EYS: variants seen among roughly 807,000 people sequenced by gnomAD.
EYS encodes protein eyes shut homolog.
In EYS, 250 loss-of-function variants were observed where a neutral mutation model predicts 282.1. That is an observed-to-expected ratio of 0.89 (90% CI 0.80 to 0.98). The LOEUF is 0.98. EYS is among the 50% of genes least tolerant of loss of function. The pLI is 0.00. For missense variants in EYS, 4,016 were observed against 3,709.0 expected (o/e 1.08, Z -2.15); for synonymous variants, 1,355 against 1,282.9 (o/e 1.06, Z -1.20).
chr6:65,048,676 C>A (rs1039302577), intron 13 of EYS, among the ~76,000 whole-genome samples: 1 of 151,848 alleles, frequency 6.6e-6, no homozygotes, highest in Non-Finnish European at 1.5e-5. Context: ...TACAATCTGA[C>A]AGATTCAGTA....
intron 13 of EYS, among the ~76,000 whole-genome samples, chr6:65,028,356 T>C (rs1206628649): frequency 1.3e-5 from 2 of 151,848 alleles, no homozygotes; most frequent in Non-Finnish European, 2.9e-5. Flanking sequence ...TAATTCTTTT[T>C]GTGAAACATT....
At chr6:65,227,030 TGA>T (rs756918763) in intron 12 of EYS, among the ~76,000 whole-genome samples, 69 of 150,938 alleles carry the variant, frequency 4.6e-4, no homozygotes, top group Non-Finnish European at 8.1e-4. Flanking sequence ...AGATCGGGAG[TGA>T]GAGACCAGCC....
intron 26 of EYS, among the ~76,000 whole-genome samples, chr6:64,565,794 A>G (rs188851624): frequency 5.3e-4 from 81 of 152,276 alleles, no homozygotes; most frequent in African/African-American, 1.9e-3. Context: ...AAAGGTAACT[A>G]TATACAGTGA....
Position 65,169,966 on chromosome 6 carries a change from C to T in EYS, c.2024-112239G>A, listed in dbSNP as rs150117774. 1.9e-3 allele frequency among the ~76,000 whole-genome samples: 286 copies of T among 151,520 alleles called. 1 individual carries two copies. The highest frequency in any genetic ancestry group is 6.6e-3 in the African/African-American group (274 of 41,426). ...TTGCCTTGAATTGTATGCAATAAAA[C>T]AGAAGAGAATAAGCACAGATTATTG... On this transcript the variant is annotated intron_variant, in intron 12 of 42. Transcript: ENST00000503581.
chr6:63,754,904 T>G (rs1000116722), intron 41 of EYS, among the ~76,000 whole-genome samples: 1 of 152,224 alleles, frequency 6.6e-6, no homozygotes, highest in Non-Finnish European at 1.5e-5. Context: ...AGATGGTATC[T>G]CATTGTGATT....
chr6:63,853,753 C>T (rs937263970), intron 36 of EYS, among the ~76,000 whole-genome samples: 22 of 152,212 alleles, frequency 1.4e-4, no homozygotes, highest in African/African-American at 4.8e-4. Context: ...TTTACAGTAA[C>T]CAAAACAGCA....
chr6:64,075,468 T>TA lies in EYS; in HGVS notation c.6571+6387dup, dbSNP rs550410622. Among the ~76,000 whole-genome samples the TA allele has an allele frequency of 2.0e-3, 303 of 151,998 alleles. 1 individual carries two copies. Among genetic ancestry groups the TA allele is most frequent in the African/African-American group, 7.0e-3 (291 of 41,498 alleles). ...TAGTCTGCTAATTGTGCCTAACCAG[T>TA]AAAAAACACTAGTAATACACAACTC... is the stretch of plus-strand genomic sequence containing the variant. On this transcript the variant is annotated intron_variant, in intron 32 of 42. Coordinates refer to ENST00000503581, the MANE Select transcript of EYS (RefSeq NM_001142800.2).
At chr6:65,680,663 T>A (rs1455152827) in intron 1 of EYS, among the ~76,000 whole-genome samples, 1 of 152,032 alleles carries the variant, frequency 6.6e-6, no homozygotes, top group East Asian at 1.9e-4. Context: ...TGTGATTGAC[T>A]CTGATTTATA....
chr6:63,865,993 A>C (rs1278346882), intron 35 of EYS, among the ~76,000 whole-genome samples: 1 of 152,160 alleles, frequency 6.6e-6, no homozygotes, highest in Non-Finnish European at 1.5e-5. Context: ...TATAACCTTC[A>C]TGGAAACCTG....
intron 2 of EYS, among the ~76,000 whole-genome samples, chr6:65,622,236 G>A (rs1182544199): frequency 6.7e-6 from 1 of 148,894 alleles, no homozygotes; most frequent in Non-Finnish European, 1.5e-5. Flanking sequence ...AACCTTTGGA[G>A]ATGAGAAATT....
intron 1 of EYS, among the ~76,000 whole-genome samples, chr6:65,678,650 T>G (rs1768711532): frequency 6.6e-6 from 1 of 151,290 alleles, no homozygotes; most frequent in African/African-American, 2.4e-5. Context: ...AAGTAAAAAA[T>G]CAACAGAGTA....
chr6:63,998,575 A>G (rs1767938443), intron 34 of EYS, among the ~76,000 whole-genome samples: 1 of 152,180 alleles, frequency 6.6e-6, no homozygotes, highest in South Asian at 2.1e-4. Context: ...AAACAGAAAG[A>G]ATTCAGCAAA....
chr6:65,689,160 G>A (rs1769143440), intron 1 of EYS, among the ~76,000 whole-genome samples: 1 of 150,070 alleles, frequency 6.7e-6, no homozygotes, highest in African/African-American at 2.4e-5. Flanking sequence ...TTAAGAAAAT[G>A]TGGTACATAT....
At chr6:65,446,478 T>C (rs2150398246) in intron 5 of EYS, among the ~76,000 whole-genome samples, 1 of 151,988 alleles carries the variant, frequency 6.6e-6, no homozygotes, top group East Asian at 1.9e-4. Flanking sequence ...TCTGTTTTCA[T>C]GACTTTGATT....
chr6:65,162,807 AC>A (rs769207282), intron 12 of EYS, among the ~76,000 whole-genome samples: 4 of 151,002 alleles, frequency 2.6e-5, no homozygotes, highest in South Asian at 4.1e-4. Flanking sequence ...ACAAGCCAGG[AC>A]TTGAAAATGT....
chr6:64,476,237 T>C (rs1328852418), intron 26 of EYS, among the ~76,000 whole-genome samples: 2 of 152,200 alleles, frequency 1.3e-5, no homozygotes, highest in African/African-American at 4.8e-5. Flanking sequence ...GTGCCTTTAC[T>C]TGTAGTTAAC....
At chr6:65,024,558 A>T (rs1772342500) in intron 13 of EYS, among the ~76,000 whole-genome samples, 1 of 152,150 alleles carries the variant, frequency 6.6e-6, no homozygotes, top group African/African-American at 2.4e-5. Context: ...AATGTGGTTT[A>T]CTTCTTCAAA....
chr6:65,416,905 A>G (rs1347145288), intron 5 of EYS, among the ~76,000 whole-genome samples: 1 of 152,010 alleles, frequency 6.6e-6, no homozygotes. Flanking sequence ...GAAAAGTGAC[A>G]GAAGAAATAA....
intron 37 of EYS, among the ~76,000 whole-genome samples, chr6:63,791,585 A>C (rs1770514412): frequency 4.6e-5 from 7 of 151,906 alleles, no homozygotes; most frequent in Non-Finnish European, 1.5e-5. Flanking sequence ...CTCAAAAAAA[A>C]AAAAAAAAAA....
Sources: allele counts gnomAD v4.1 joint callset (sites outside exome capture counted in the v4.1 genomes callset), GRCh38; gene constraint gnomAD v4.1.1; transcripts MANE v1.5; gene names NCBI Gene and HGNC (gene_info 2026-07-23, HGNC 2026-07-21).